The following MACROD2 variants were observed in gnomAD, a reference collection of about 807,000 sequenced individuals.
The protein encoded by MACROD2 is ADP-ribose glycohydrolase MACROD2.
In MACROD2, 36 loss-of-function variants were observed where a neutral mutation model predicts 70.4. That is an observed-to-expected ratio of 0.51 (90% CI 0.39 to 0.68). The LOEUF (loss-of-function observed/expected upper bound fraction) is 0.68. Among genes scored for constraint, MACROD2 ranks in the 30% least tolerant of loss-of-function variants. MACROD2 has a pLI of 0.00. For synonymous variants in MACROD2, 172 were observed against 178.8 expected, an observed-to-expected ratio of 0.96 and a Z score of 0.30; for missense variants, 496 against 538.4, an observed-to-expected ratio of 0.92 and a Z score of 0.78.
intron 3 of MACROD2, among the ~76,000 whole-genome samples, chr20:14,286,259 C>A (rs1222447036): frequency 6.6e-6 from 1 of 151,954 alleles, no homozygotes; most frequent in African/African-American, 2.4e-5. Context: ...GTCTTTTTTT[C>A]TCTCTCAGAA....
intron 5 of MACROD2, among the ~76,000 whole-genome samples, chr20:15,198,316 G>C (rs917751250): frequency 6.6e-6 from 1 of 152,012 alleles, no homozygotes; most frequent in Non-Finnish European, 1.5e-5. Flanking sequence ...CTGGCCAGAA[G>C]TTTCCAATTT....
chr20:15,899,101 CTATA>C (rs1355432928), intron 10 of MACROD2, among the ~76,000 whole-genome samples: 5 of 151,518 alleles, frequency 3.3e-5, no homozygotes, highest in Admixed American at 6.6e-5. Flanking sequence ...TGTGTGCTAT[CTATA>C]TGTATGTATA....
chr20:15,075,268 T>C (rs1001051755), intron 5 of MACROD2, among the ~76,000 whole-genome samples: 4 of 150,502 alleles, frequency 2.7e-5, no homozygotes, highest in African/African-American at 9.7e-5. Flanking sequence ...TGATGGGCAT[T>C]TAATTTGATG....
intron 8 of MACROD2, among the ~76,000 whole-genome samples, chr20:15,580,544 T>A (rs2048509509): frequency 6.6e-6 from 1 of 152,330 alleles, no homozygotes; most frequent in South Asian, 2.1e-4. Flanking sequence ...AAGTCTTCTT[T>A]ATAAGTGACA....
chr20:14,802,777 TACACACAC>T (rs11468914), intron 5 of MACROD2, among the ~76,000 whole-genome samples: 11 of 148,420 alleles, frequency 7.4e-5, no homozygotes, highest in African/African-American at 1.8e-4. Flanking sequence ...CATACACACA[TACACACAC>T]ACACACACAC....
chr20:15,909,590 C>T, intron 10 of MACROD2, among the ~76,000 whole-genome samples: 1 of 130,050 alleles, frequency 7.7e-6, no homozygotes. Flanking sequence ...GTGGCGGGAT[C>T]TCGGCTCACT....
chr20:14,971,984 G>A (rs954226159), intron 5 of MACROD2, among the ~76,000 whole-genome samples: 8 of 152,088 alleles, frequency 5.3e-5, no homozygotes, highest in African/African-American at 1.2e-4. Context: ...TCAGTTTTAC[G>A]GGCTGCTTTT....
chr20:15,546,513 A>G (rs896742294), intron 8 of MACROD2, among the ~76,000 whole-genome samples: 1 of 152,216 alleles, frequency 6.6e-6, no homozygotes, highest in East Asian at 1.9e-4. Flanking sequence ...GGAATGGGTT[A>G]AAAATGAAGT....
intron 5 of MACROD2, among the ~76,000 whole-genome samples, chr20:14,745,881 C>T (rs1414221888): frequency 1.4e-4 from 21 of 152,076 alleles, no homozygotes; most frequent in Admixed American, 1.3e-3. Flanking sequence ...AAACTTACTA[C>T]CAGAAAATTT....
intron 5 of MACROD2, among the ~76,000 whole-genome samples, chr20:15,098,473 G>T (rs2075849737): frequency 6.6e-6 from 1 of 152,146 alleles, no homozygotes; most frequent in Non-Finnish European, 1.5e-5. Flanking sequence ...TTCTCTGAAA[G>T]GCCTGAAGTG....
intron 5 of MACROD2, among the ~76,000 whole-genome samples, chr20:14,972,726 T>A (rs2122806583): frequency 6.6e-6 from 1 of 152,234 alleles, no homozygotes; most frequent in South Asian, 2.1e-4. Context: ...TTGGATTCAT[T>A]TAGGAGGAGT....
chr20:15,221,185 ATC>A (rs2076858198), intron 5 of MACROD2, among the ~76,000 whole-genome samples: 1 of 152,206 alleles, frequency 6.6e-6, no homozygotes, highest in African/African-American at 2.4e-5. Context: ...CTGGTTTTGC[ATC>A]TCTCTGAAAA....
chr20:14,194,168 G>T (rs2081411372), intron 3 of MACROD2, among the ~76,000 whole-genome samples: 1 of 152,126 alleles, frequency 6.6e-6, no homozygotes. Context: ...CTGGAATGTG[G>T]CTGCTCCTGA....
rs2050941547 is a variant in MACROD2, at chr20:15,731,007, T to A, written c.646-131738T>A. The stretch of plus-strand genomic sequence containing the variant: ...TGTATTCTGAAACTCTTGAGGTGAG[T>A]TTTTCAGCTCTATCAGATCAGTTTG... On this transcript the variant is annotated intron_variant, in intron 8 of 17. Coordinates refer to ENST00000684519, the MANE Select transcript of MACROD2 (RefSeq NM_001351661.2). Among the ~76,000 whole-genome samples the A allele has an allele frequency of 3.4e-5, 2 of 58,184 alleles. 1 individual carries two copies. Among genetic ancestry groups the A allele is most frequent in the African/African-American group, 9.6e-5 (2 of 20,938 alleles). The allele number at this position is 58,184 out of a possible 152,430, so 38.2% of individuals were successfully genotyped here.
chr20:15,177,966 G>T lies in MACROD2; in HGVS notation c.419-51974G>T, dbSNP rs184643490. 2.7e-3 allele frequency among the ~76,000 whole-genome samples: 404 copies of T among 150,876 alleles called. 1 individual carries two copies. The highest frequency in any genetic ancestry group is 5.9e-3 in the Admixed American group (89 of 15,114). ...GCTTTTTTTTTTTTCTTTCTCTGTA[G>T]TGAACCATAACTGAAAGCAGGAAGC... On this transcript the variant is annotated intron_variant, in intron 5 of 17. Coordinates refer to ENST00000684519, the MANE Select transcript of MACROD2 (RefSeq NM_001351661.2).
chr20:15,507,409 TTC>T (rs996284254), intron 8 of MACROD2, among the ~76,000 whole-genome samples: 3 of 151,076 alleles, frequency 2.0e-5, no homozygotes, highest in Non-Finnish European at 3.0e-5. Context: ...CCTTCTTTCT[TTC>T]TCTCTCTCCT....
chr20:14,190,106 A>G (rs570528766), intron 3 of MACROD2, among the ~76,000 whole-genome samples: 1 of 152,266 alleles, frequency 6.6e-6, no homozygotes, highest in African/African-American at 2.4e-5. Context: ...CAAGAAACTG[A>G]GTTCTGGTTC....
chr20:14,627,990 C>G (rs922629687), intron 4 of MACROD2, among the ~76,000 whole-genome samples: 1 of 152,180 alleles, frequency 6.6e-6, no homozygotes, highest in African/African-American at 2.4e-5. Flanking sequence ...ACTAATTTAG[C>G]TTGTTGAGCA....
At chr20:14,869,682 CT>C (rs1188192808) in intron 5 of MACROD2, among the ~76,000 whole-genome samples, 1 of 152,150 alleles carries the variant, frequency 6.6e-6, no homozygotes, top group African/African-American at 2.4e-5. Context: ...AACCCCTTTT[CT>C]CAACAAGGAA....
Sources: allele counts gnomAD v4.1 joint callset (sites outside exome capture counted in the v4.1 genomes callset), GRCh38; gene constraint gnomAD v4.1.1; transcripts MANE v1.5; gene names NCBI Gene and HGNC (gene_info 2026-07-23, HGNC 2026-07-21).